Variants in GALNT5 observed in about 807,000 individuals in gnomAD.
GALNT5 encodes the protein UDP-GalNAc:polypeptide N-acetylgalactosaminyltransferase 5.
Under a neutral mutation model 85.4 loss-of-function variants are expected in GALNT5, and 72 were observed. The observed-to-expected ratio is 0.84, with a 90% CI of 0.70 to 1.03. The LOEUF (loss-of-function observed/expected upper bound fraction) is 1.03. Ranked by LOEUF, GALNT5 falls within the 50% of genes least tolerant of loss-of-function variation. GALNT5 has a pLI of 0.00. For synonymous variants in GALNT5, 404 were observed against 397.0 expected (o/e 1.02, Z -0.21); for missense variants, 1,137 against 1,135.5 (o/e 1.00, Z -0.02).
chr2:157,268,293 T>C (rs1483347125), intron 1 of GALNT5, among the ~76,000 whole-genome samples: 1 of 152,192 alleles, frequency 6.6e-6, no homozygotes, highest in Non-Finnish European at 1.5e-5. Flanking sequence ...TGGCTCAGCA[T>C]TCAGCACACA....
At chr2:157,290,178 AAAT>A (rs1204007339) in intron 3 of GALNT5, among the ~76,000 whole-genome samples, 2 of 151,550 alleles carry the variant, frequency 1.3e-5, no homozygotes, top group Non-Finnish European at 2.9e-5. Context: ...AACAGTAAAT[AAAT>A]AATAAATTTA....
rs760479696 is a variant in GALNT5 at position 157,258,371 on chromosome 2, A to T, written c.289A>T (p.Ser97Cys). ...GKENVRKTEE[S>C]VLKVEVDLDQ... ...AGAGAATGTTAGAAAAACTGAGGAG[A>T]GTGTGCTCAAGGTTGAGGTGGACTT... The change falls in exon 1 of 10, where the codon AGT becomes TGT. Residue 97 changes from serine (S) to cysteine (C), a missense_variant. Transcript: ENST00000259056. 1.9e-6 allele frequency: 3 copies of T among 1,609,682 alleles called. No individual in the cohort carries two copies. Among genetic ancestry groups the T allele is most frequent in the South Asian group, 1.1e-5 (1 of 90,486 alleles).
At position 157,259,307 on chromosome 2, in the gene GALNT5, C is replaced by A. The variant is rs1057115664; in HGVS notation, c.1225C>A (p.His409Asn). ...KAPSTEYNQSHIKALLPEDSG... is the reference protein window; with the variant it reads ...KAPSTEYNQSNIKALLPEDSG... ...CCCCTCTACAGAATACAACCAGAGT[C>A]ATATAAAAGCCCTTTTACCTGAAGA... Residue 409 changes from histidine to asparagine, a missense_variant, in exon 1 of 10, where the codon CAT becomes AAT. Physicochemically the swap from His to Asn is moderately conservative, Grantham distance 68. Coordinates refer to ENST00000259056, the MANE Select transcript of GALNT5 (RefSeq NM_014568.3). The A allele has an allele frequency of 6.3e-7, 1 of 1,598,174 alleles. No homozygotes were observed. The highest frequency in any genetic ancestry group is 8.5e-7 in the Non-Finnish European group (1 of 1,173,354).
At chr2:157,287,621 C>T (rs1255527444) in intron 3 of GALNT5, among the ~76,000 whole-genome samples, 1 of 152,186 alleles carries the variant, frequency 6.6e-6, no homozygotes, top group Non-Finnish European at 1.5e-5. Context: ...ATAATCCTCA[C>T]CCCTCTCTTC....
intron 1 of GALNT5, among the ~76,000 whole-genome samples, chr2:157,269,119 C>A (rs779498033): frequency 6.6e-6 from 1 of 152,038 alleles, no homozygotes; most frequent in Non-Finnish European, 1.5e-5. Context: ...CTCCTCAAGC[C>A]CCTACCCTAT....
At position 157,273,630 on chromosome 2, in the gene GALNT5, C is replaced by CTTTTTT. The variant is rs35430045; in HGVS notation, c.1455-10628_1455-10623dup. 5.6e-3 allele frequency among the ~76,000 whole-genome samples: 133 copies of CTTTTTT among 23,740 alleles called. 21 individuals carry two copies. Among genetic ancestry groups the CTTTTTT allele is most frequent in the African/African-American group, 0.019 (59 of 3,054 alleles). 15.6% of individuals were successfully genotyped at this position (23,740 alleles called of 152,430 possible). ...TTATTTGAAAACAGCATATTTCTTG[C>CTTTTTT]TTTTTTTTTTTTTTTTTTTTTTTTT... is the stretch of plus-strand genomic sequence containing the variant. On this transcript the variant is annotated intron_variant, in intron 1 of 9. Transcript: ENST00000259056.
intron 3 of GALNT5, among the ~76,000 whole-genome samples, chr2:157,286,804 G>A (rs998280950): frequency 2.0e-5 from 3 of 151,680 alleles, no homozygotes; most frequent in Admixed American, 2.0e-4. Context: ...TTTTAAATTC[G>A]GGAACTAATT....
At chr2:157,263,717 ATAC>A (rs572287282) in intron 1 of GALNT5, among the ~76,000 whole-genome samples, 6 of 152,242 alleles carry the variant, frequency 3.9e-5, no homozygotes, top group Non-Finnish European at 8.8e-5. Flanking sequence ...TTGAAAATTG[ATAC>A]TACTTTAAAA....
chr2:157,304,045 A>C (rs771551894), intron 7 of GALNT5, among the ~76,000 whole-genome samples: 1 of 152,224 alleles, frequency 6.6e-6, no homozygotes, highest in Non-Finnish European at 1.5e-5. Flanking sequence ...TGAAGATAGA[A>C]TATTTCTGCA....
At chr2:157,296,316 T>C in intron 4 of GALNT5, 78 bp from the exon 5 acceptor site, 1 of 1,127,380 alleles carries the variant, frequency 8.9e-7, no homozygotes, top group Non-Finnish European at 1.3e-6. Context: ...TTTGATTACA[T>C]CGTGAAGCCA....
rs147209759 is a variant in GALNT5, at chr2:157,306,106, G to T, written c.2520+277G>T. Reference sequence around the variant, plus strand: ...CAGATTCCTTAACCTTTGGGTAAATGGTAGTGATAATCATGCCTACTTTTA... The same window carrying T: ...CAGATTCCTTAACCTTTGGGTAAATTGTAGTGATAATCATGCCTACTTTTA... On this transcript the variant is annotated intron_variant, in intron 8 of 9. Coordinates refer to ENST00000259056, the MANE Select transcript of GALNT5 (RefSeq NM_014568.3). 4.3e-3 allele frequency among the ~76,000 whole-genome samples: 651 copies of T among 152,284 alleles called. 8 individuals are homozygous for T. Among genetic ancestry groups the T allele is most frequent in the African/African-American group, 0.015 (628 of 41,542 alleles).
chr2:157,286,027 A>G lies in GALNT5; in HGVS notation c.1634A>G (p.Asp545Gly), dbSNP rs1682961256. ...DDFSTKDYLK[D>G]NLDKYMSQFP... ...TACTCTGATGTAGACTATCTAAAAG[A>G]TAATTTGGATAAATACATGTCCCAG... The change falls in exon 3 of 10, where the codon GAT (aspartate) becomes GGT (glycine). Residue 545 changes from aspartate to glycine, a missense_variant. By Grantham distance (94) the Asp-to-Gly change is moderately conservative. Coordinates refer to ENST00000259056, the MANE Select transcript of GALNT5 (RefSeq NM_014568.3). The G allele has an allele frequency of 6.3e-7, 1 of 1,597,972 alleles. No homozygotes were observed.
chr2:157,284,108 T>C (rs921033066), intron 1 of GALNT5, among the ~76,000 whole-genome samples, 174 bp from the exon 2 acceptor site: 1 of 152,184 alleles, frequency 6.6e-6, no homozygotes, highest in Non-Finnish European at 1.5e-5. Context: ...AAAAGGCACA[T>C]GATAAATAAT....
At position 157,296,580 on chromosome 2, in the gene GALNT5, T is replaced by C. The variant is rs189991830; in HGVS notation, c.1997+67T>C. ...TTTTTGTAAAAGCATTAAAAAATTC[T>C]ACAAAACAGCTGTATCTTGTTATTC... On this transcript the variant is annotated intron_variant, in intron 5 of 9. Transcript: ENST00000259056. 53 of 1,212,482 alleles carry C rather than the reference T, an allele frequency of 4.4e-5. No homozygotes were observed. The Admixed American group carries it at 9.4e-4, about 22-fold the overall frequency. 75.1% of individuals were successfully genotyped at this position (1,212,482 alleles called of 1,614,324 possible).
chr2:157,267,766 G>A (rs182092151), intron 1 of GALNT5, among the ~76,000 whole-genome samples: 21 of 152,310 alleles, frequency 1.4e-4, no homozygotes, highest in African/African-American at 4.6e-4. Flanking sequence ...AACCACAGCC[G>A]CAGCTGGCTA....
At chr2:157,306,726 C>T (rs994140545) in intron 8 of GALNT5, among the ~76,000 whole-genome samples, 9 of 152,150 alleles carry the variant, frequency 5.9e-5, no homozygotes, top group Non-Finnish European at 1.0e-4. Context: ...CTTCAAGATA[C>T]TGTTTATATT....
chr2:157,291,477 C>G (rs1199499319), intron 3 of GALNT5, among the ~76,000 whole-genome samples: 2 of 152,064 alleles, frequency 1.3e-5, no homozygotes, highest in Non-Finnish European at 2.9e-5. Flanking sequence ...AACGGCACGC[C>G]AAGCCAACAT....
chr2:157,277,514 T>G (rs542034791), intron 1 of GALNT5, among the ~76,000 whole-genome samples: 8 of 152,340 alleles, frequency 5.3e-5, no homozygotes, highest in Non-Finnish European at 7.3e-5. Flanking sequence ...CTGTATTGGG[T>G]GCATATATAT....
chr2:157,313,387 A>G lies in GALNT5; in HGVS notation c.*2039A>G, dbSNP rs909338023. 1 of 152,224 alleles carries G rather than the reference A, an allele frequency of 6.6e-6. No individual in the cohort carries two copies. The highest frequency in any genetic ancestry group is 1.5e-5 in the Non-Finnish European group (1 of 68,038). 9.4% of individuals were successfully genotyped at this position (152,224 alleles called of 1,614,324 possible). On this transcript the variant is annotated 3_prime_UTR_variant, in exon 10 of 10. Transcript: ENST00000259056. ...GTAAGTACACTCTGATATTCACACAATGATGAAATTGCCTAATGACACATT... is the reference window on the plus strand; with the variant it reads ...GTAAGTACACTCTGATATTCACACAGTGATGAAATTGCCTAATGACACATT...
Sources: allele counts gnomAD v4.1 joint callset (sites outside exome capture counted in the v4.1 genomes callset), GRCh38; gene constraint gnomAD v4.1.1; transcripts MANE v1.5; gene names NCBI Gene and HGNC (gene_info 2026-07-23, HGNC 2026-07-21).